The following AK8 variants were observed in gnomAD, a reference collection of about 807,000 sequenced individuals.
AK8 encodes adenylate kinase 8.
In AK8, 44 loss-of-function variants were observed where a neutral mutation model predicts 54.6. The observed-to-expected ratio is 0.81, with a 90% CI of 0.63 to 1.04. The LOEUF (loss-of-function observed/expected upper bound fraction) is 1.04, where lower values mean the gene tolerates loss of function less well. Among genes scored for constraint, AK8 ranks in the 50% least tolerant of loss-of-function variants. The probability of loss-of-function intolerance (pLI) is 0.00; values close to 1 mark genes in which losing one functional copy is unlikely to be tolerated. For synonymous variants in AK8, 239 were observed against 245.6 expected, an observed-to-expected ratio of 0.97 and a Z score of 0.25; for missense variants, 555 against 613.6, an observed-to-expected ratio of 0.90 and a Z score of 1.01.
intron 11 of AK8, among the ~76,000 whole-genome samples, chr9:132,761,826 C>T (rs1257768571): frequency 6.6e-6 from 1 of 150,392 alleles, no homozygotes; most frequent in Non-Finnish European, 1.5e-5. Context: ...CTCTCTCTCC[C>T]TCTCTCTCTC....
At chr9:132,862,446 G>A (rs1195822113) in intron 4 of AK8, among the ~76,000 whole-genome samples, 2 of 151,960 alleles carry the variant, frequency 1.3e-5, no homozygotes, top group Non-Finnish European at 2.9e-5. Flanking sequence ...TCCTGCCTCA[G>A]TCTCCTGGGT....
intron 10 of AK8, among the ~76,000 whole-genome samples, chr9:132,797,502 C>T (rs1840229927): frequency 6.6e-6 from 1 of 152,072 alleles, no homozygotes; most frequent in Admixed American, 6.5e-5. Flanking sequence ...TGATCACCCA[C>T]TCGTGAATTA....
At chr9:132,878,538 C>T, upstream of AK8, 1 of 1,174,194 alleles carries the variant, frequency 8.5e-7, no homozygotes, top group Non-Finnish European at 1.1e-6. The surrounding 1 kb of genome is among the most constrained non-coding windows in gnomAD (Gnocchi z 4.7). Flanking sequence ...TATCTGAGAC[C>T]CCCGACGAAA....
intron 3 of AK8, among the ~76,000 whole-genome samples, chr9:132,866,153 G>A (rs1843590035): frequency 1.3e-5 from 2 of 152,286 alleles, no homozygotes; most frequent in South Asian, 4.2e-4. Context: ...AGCCCAGATC[G>A]CACCACTGCA....
At chr9:132,806,432 G>A (rs371353099) in intron 10 of AK8, among the ~76,000 whole-genome samples, 10 of 152,242 alleles carry the variant, frequency 6.6e-5, no homozygotes, top group African/African-American at 2.2e-4. Flanking sequence ...TATTTAGAGA[G>A]TCATGCGCTG....
At chr9:132,752,240 A>G (rs1235372174) in intron 11 of AK8, among the ~76,000 whole-genome samples, 4 of 147,738 alleles carry the variant, frequency 2.7e-5, no homozygotes, top group African/African-American at 1.0e-4. Context: ...TTACTTAGCT[A>G]CATTTTCTAA....
intron 10 of AK8, among the ~76,000 whole-genome samples, chr9:132,798,544 G>A (rs1282915928): frequency 1.3e-5 from 2 of 152,134 alleles, no homozygotes; most frequent in Non-Finnish European, 2.9e-5. Context: ...CTTGATTTCT[G>A]GGCTTGACAG....
intron 5 of AK8, among the ~76,000 whole-genome samples, chr9:132,836,196 G>A (rs1842315780): frequency 6.6e-6 from 1 of 152,204 alleles, no homozygotes; most frequent in African/African-American, 2.4e-5. Context: ...GGCTGAGGTG[G>A]AAGGATCACT....
At chr9:132,856,865 A>G (rs1211454610) in intron 4 of AK8, among the ~76,000 whole-genome samples, 1 of 152,182 alleles carries the variant, frequency 6.6e-6, no homozygotes, top group African/African-American at 2.4e-5. Flanking sequence ...GGGAATGGGA[A>G]GAAAAAGGGG....
chr9:132,845,122 T>TA (rs1842695874), intron 5 of AK8, among the ~76,000 whole-genome samples: 1 of 152,204 alleles, frequency 6.6e-6, no homozygotes, highest in Admixed American at 6.5e-5. Flanking sequence ...AGAATGTAAT[T>TA]ACAGCCTCTT....
rs1418144022 is a variant in AK8, at chr9:132,828,659, G to A, written c.470C>T (p.Thr157Ile). 3 of 1,612,166 alleles carry A rather than the reference G, an allele frequency of 1.9e-6. No individual in the cohort carries two copies. Among genetic ancestry groups the A allele is most frequent in the South Asian group, 2.2e-5 (2 of 90,388 alleles). Residue 157 changes from threonine to isoleucine, a missense_variant, in exon 6 of 13, where the codon ACA (threonine) becomes ATA (isoleucine). Physicochemically the swap from Thr to Ile is moderately conservative, Grantham distance 89. Transcript: ENST00000298545. The stretch of plus-strand genomic sequence containing the variant: ...GAGCTACTCACTGACGTGTCTGGGT[G>A]TGATCCCCAGGGTCTGGATCCTCAG... ...QALRIQTLGI[T>I]PRHVIVLSAP...
At chr9:132,814,802 G>T in intron 9 of AK8, 75 bp from the exon 10 acceptor site, 1 of 1,320,542 alleles carries the variant, frequency 7.6e-7, no homozygotes, top group Non-Finnish European at 1.1e-6. Flanking sequence ...AGAACCCCCA[G>T]TGCTGCCTGC....
intron 5 of AK8, among the ~76,000 whole-genome samples, chr9:132,843,040 C>G (rs991293393): frequency 6.6e-6 from 1 of 152,188 alleles, no homozygotes; most frequent in Non-Finnish European, 1.5e-5. Context: ...TGGTCCTGCC[C>G]CCACTCAAGG....
Position 132,826,334 on chromosome 9 carries a change from G to C in AK8, c.757+520C>G, listed in dbSNP as rs996687646. On this transcript the variant is annotated intron_variant, in intron 8 of 12. Coordinates refer to ENST00000298545, the MANE Select transcript of AK8 (RefSeq NM_152572.3). The surrounding 1 kb of genome is among the most constrained non-coding windows in gnomAD (Gnocchi z 4.5). ...ACAGGCTGCCCGCAGTGGCTCCCGA[G>C]CTGCTGTGAACATTGGCCATTGCTG... Among the ~76,000 whole-genome samples, 1 of 152,200 alleles carries C rather than the reference G, an allele frequency of 6.6e-6. No individual in the cohort carries two copies. Among genetic ancestry groups the C allele is most frequent in the Non-Finnish European group, 1.5e-5 (1 of 68,042 alleles).
At chr9:132,786,883 T>C (rs1021396063) in intron 11 of AK8, among the ~76,000 whole-genome samples, 13 of 151,976 alleles carry the variant, frequency 8.6e-5, no homozygotes, top group African/African-American at 3.1e-4. Context: ...ATCAAATATG[T>C]CATTAACATT....
At chr9:132,773,039 C>A (rs1043516125) in intron 11 of AK8, among the ~76,000 whole-genome samples, 2 of 152,160 alleles carry the variant, frequency 1.3e-5, no homozygotes, top group Non-Finnish European at 2.9e-5. Context: ...TTTGCTCAAG[C>A]CCCACACAGT....
chr9:132,859,945 G>A (rs1843321144), intron 4 of AK8, among the ~76,000 whole-genome samples: 1 of 152,090 alleles, frequency 6.6e-6, no homozygotes, highest in Non-Finnish European at 1.5e-5. Context: ...TGGAAACCAT[G>A]TCCCTTTCAC....
At chr9:132,823,406 TG>T in intron 8 of AK8, 70 bp from the exon 9 acceptor site, 1 of 1,593,572 alleles carries the variant, frequency 6.3e-7, no homozygotes, top group East Asian at 2.3e-5. Context: ...GCAGCCCCTC[TG>T]CTTTGACTCT....
intron 11 of AK8, among the ~76,000 whole-genome samples, chr9:132,782,117 T>C (rs548291799): frequency 2.6e-5 from 4 of 152,332 alleles, no homozygotes; most frequent in African/African-American, 9.6e-5. Flanking sequence ...TGATTTTCAC[T>C]CCGTGGTGAA....
Sources: allele counts gnomAD v4.1 joint callset (sites outside exome capture counted in the v4.1 genomes callset), GRCh38; gene constraint gnomAD v4.1.1; non-coding constraint Gnocchi (gnomAD v3.1); transcripts MANE v1.5; gene names NCBI Gene and HGNC (gene_info 2026-07-23, HGNC 2026-07-21).